The following ADAMTSL2 variants were observed in gnomAD, a reference collection of about 807,000 sequenced individuals.
ADAMTSL2 encodes ADAMTS like 2.
A neutral mutation model predicts 117.0 loss-of-function variants in ADAMTSL2; 55 were observed. The ratio of observed to expected loss-of-function variants is 0.47; its 90% CI spans 0.38 to 0.59. The LOEUF (loss-of-function observed/expected upper bound fraction) is 0.59, where lower values mean the gene tolerates loss of function less well. ADAMTSL2 is among the 20% of genes least tolerant of loss of function. ADAMTSL2 has a pLI of 0.00. For synonymous variants in ADAMTSL2, 572 were observed against 566.4 expected, an observed-to-expected ratio of 1.01 and a Z score of -0.14; for missense variants, 1,182 against 1,354.5, an observed-to-expected ratio of 0.87 and a Z score of 2.00.
chr9:133,544,485 C>T lies in ADAMTSL2; in HGVS notation c.698C>T (p.Thr233Ile). 1 of 1,614,058 alleles carries T rather than the reference C, an allele frequency of 6.2e-7. No individual in the cohort carries two copies. Among genetic ancestry groups the T allele is most frequent in the South Asian group, 1.1e-5 (1 of 91,080 alleles). The change falls in exon 8 of 19, where the codon ACC (threonine) becomes ATC (isoleucine). Residue 233 changes from threonine to isoleucine, a missense_variant. By Grantham distance (89) the Thr-to-Ile change is moderately conservative (BLOSUM62 -1). Coordinates refer to ENST00000651351, the MANE Select transcript of ADAMTSL2 (RefSeq NM_014694.4). The stretch of plus-strand genomic sequence containing the variant: ...TTGCCTCCAGGTTACTCTCTGGTGA[C>T]CCACATCCCGGCTGGTGCCCGAGAC... ...GNAHLGYSLV[T>I]HIPAGARDIQ...
At chr9:133,534,626 AG>A, upstream of ADAMTSL2, 1 of 1,276,144 alleles carries the variant, frequency 7.8e-7, no homozygotes, top group Non-Finnish European at 1.0e-6. Flanking sequence ...CGGGCGGGGG[AG>A]CGGCCTGGTG....
intron 12 of ADAMTSL2, among the ~76,000 whole-genome samples, chr9:133,563,664 G>A (rs1830801822): frequency 6.6e-6 from 1 of 152,074 alleles, no homozygotes; most frequent in Non-Finnish European, 1.5e-5. Context: ...GACTGGGTCT[G>A]TGCAGCGTGG....
intron 16 of ADAMTSL2, 25 bp downstream of exon 16, chr9:133,569,603 G>A (rs1323226802): frequency 2.6e-6 from 4 of 1,552,694 alleles, no homozygotes; most frequent in Non-Finnish European, 2.6e-6. Context: ...GCCCGCGGAA[G>A]GGCCTCCTGG....
At chr9:133,564,645 A>G (rs1588305491) in intron 12 of ADAMTSL2, among the ~76,000 whole-genome samples, 1 of 90,506 alleles carries the variant, frequency 1.1e-5, no homozygotes, top group Non-Finnish European at 2.3e-5. Flanking sequence ...AGAGAGGGAG[A>G]GAGGGAGAGA....
rs62620179 is a variant in ADAMTSL2 at position 133,536,705 on chromosome 9, T to C, written c.-8T>C. ...GGCCTGGTGGTGACAGTGGCCTTGC[T>C]TCCTAGGATGGATGGCAGATGGCAA... On this transcript the variant is annotated 5_prime_UTR_variant, in exon 2 of 19. Transcript: ENST00000651351. 4.1e-4 allele frequency: 668 copies of C among 1,614,170 alleles called. 6 individuals carry two copies. The African/African-American group carries it at 7.7e-3, about 19-fold the overall frequency.
Position 133,557,136 on chromosome 9 carries a change from A to G in ADAMTSL2, c.1649+1206A>G, listed in dbSNP as rs1209742670. On this transcript the variant is annotated intron_variant, in intron 11 of 18. Transcript: ENST00000651351. The surrounding 1 kb of genome is among the most constrained non-coding windows in gnomAD (Gnocchi z 5.2). ...GAATTTGATGGGAGATTCAGGGTTC[A>G]CTCTCGAGGTGATGTGGTTTGGGGC... Among the ~76,000 whole-genome samples the G allele has an allele frequency of 6.6e-6, 1 of 151,726 alleles. No homozygotes were observed. Among genetic ancestry groups the G allele is most frequent in the African/African-American group, 2.4e-5 (1 of 41,264 alleles).
In ADAMTSL2 at chr9:133,568,411, C is replaced by A. The variant is rs1400101960; in HGVS notation, c.2013C>A (p.Ala671=). The A allele has an allele frequency of 1.2e-6, 2 of 1,608,276 alleles. No individual in the cohort carries two copies. Among genetic ancestry groups the A allele is most frequent in the South Asian group, 2.2e-5 (2 of 90,156 alleles). Reference sequence around the variant, plus strand: ...GCGACCTGTGCGAGGCAGCCGAGGCCGTGCGGCCCGAGGAACGCAAGACCT... The same window carrying A: ...GCGACCTGTGCGAGGCAGCCGAGGCAGTGCGGCCCGAGGAACGCAAGACCT... ...VYSDLCEAAE[A]VRPEERKTCR... is the part of the protein sequence containing the mutation. Residue 671 remains alanine, a synonymous_variant, in exon 14 of 19, where the codon GCC becomes GCA. Transcript: ENST00000651351.
At position 133,568,585 on chromosome 9, in the gene ADAMTSL2, CT is replaced by C. The variant is rs2131180821; in HGVS notation, c.2089-17del. The C allele has an allele frequency of 6.4e-7, 1 of 1,565,922 alleles. No homozygotes were observed. The highest frequency in any genetic ancestry group is 1.2e-5 in the South Asian group (1 of 85,624). ...ACCTGTGTCACACCCCCCCTGCCCC[CT>C]CCCCCTGCCGCCCCAGTGCACTGCC... On this transcript the variant is annotated splice_polypyrimidine_tract_variant and intron_variant, in intron 14 of 18. Transcript: ENST00000651351.
chr9:133,558,133 A>G lies in ADAMTSL2; in HGVS notation c.1649+2203A>G, dbSNP rs1399089483. ...AGCCCCCCGCCCCAGGATATATTGAATTTCCAGGGCCTGTCAGGGGCCTCA... is the reference window on the plus strand; with the variant it reads ...AGCCCCCCGCCCCAGGATATATTGAGTTTCCAGGGCCTGTCAGGGGCCTCA... On this transcript the variant is annotated intron_variant, in intron 11 of 18. Coordinates refer to ENST00000651351, the MANE Select transcript of ADAMTSL2 (RefSeq NM_014694.4). This position sits in a 1 kb window ranked among gnomAD's most constrained non-coding sequence, Gnocchi z 4.3. Among the ~76,000 whole-genome samples the G allele has an allele frequency of 6.6e-6, 1 of 152,078 alleles. No individual in the cohort carries two copies. Among genetic ancestry groups the G allele is most frequent in the Non-Finnish European group, 1.5e-5 (1 of 68,010 alleles).
chr9:133,558,607 G>T lies in ADAMTSL2; in HGVS notation c.1650-2591G>T, dbSNP rs1830660242. 1.3e-5 allele frequency among the ~76,000 whole-genome samples: 2 copies of T among 152,306 alleles called. No homozygotes were observed. The highest frequency in any genetic ancestry group is 2.4e-5 in the African/African-American group (1 of 41,574). The stretch of plus-strand genomic sequence containing the variant: ...GGTGGCTTCAGAGCTTCTCCTGCCT[G>T]GGGAGCCCGTGAGCCTGTGTCTGGC... On this transcript the variant is annotated intron_variant, in intron 11 of 18. Transcript: ENST00000651351. This position sits in a 1 kb window ranked among gnomAD's most constrained non-coding sequence, Gnocchi z 4.3.
At chr9:133,562,992 C>T (rs1419574361) in intron 12 of ADAMTSL2, among the ~76,000 whole-genome samples, 2 of 151,304 alleles carry the variant, frequency 1.3e-5, no homozygotes, top group Non-Finnish European at 3.0e-5. Flanking sequence ...GCCAGGCTCG[C>T]ACCGCTGTGG....
intron 4 of ADAMTSL2, 38 bp downstream of exon 4, chr9:133,538,462 C>T (rs1017584765): frequency 6.2e-7 from 1 of 1,609,302 alleles, no homozygotes; most frequent in Non-Finnish European, 8.5e-7. Context: ...ATGGCCTGCT[C>T]TCCCTGTCAT....
intron 17 of ADAMTSL2, among the ~76,000 whole-genome samples, chr9:133,572,271 C>A (rs1216951255): frequency 1.3e-5 from 2 of 150,390 alleles, no homozygotes; most frequent in Admixed American, 1.3e-4. Context: ...TTCCCTGTTG[C>A]CCACCAAAGG....
Position 133,554,415 on chromosome 9 carries a change from C to G in ADAMTSL2, c.998C>G (p.Pro333Arg), listed in dbSNP as rs1407750012. Residue 333 changes from proline to arginine, a missense_variant, in exon 10 of 19, where the codon CCG becomes CGG. Physicochemically the swap from Pro to Arg is moderately radical, Grantham distance 103. Transcript: ENST00000651351. This position sits in a 1 kb window ranked among gnomAD's most constrained non-coding sequence, Gnocchi z 5.2. ...SITFEYTLLQ[P>R]PHESRPQPIY... The stretch of plus-strand genomic sequence containing the variant: ...ACCTTCGAGTACACGCTGCTGCAGC[C>G]GCCACACGAGAGCCGCCCCCAGCCC... 4 of 1,565,844 alleles carry G rather than the reference C, an allele frequency of 2.6e-6. No homozygotes were observed. In the African/African-American group the frequency reaches 5.4e-5, roughly 21 times the overall value.
chr9:133,545,763 G>A (rs1830333183), intron 8 of ADAMTSL2, among the ~76,000 whole-genome samples: 1 of 152,202 alleles, frequency 6.6e-6, no homozygotes, highest in Non-Finnish European at 1.5e-5. Flanking sequence ...GAAAGCCGCA[G>A]GAAGGAAGGT....
At chr9:133,534,472 C>T (rs1371727866), upstream of ADAMTSL2, 1 of 371,476 alleles carries the variant, frequency 2.7e-6, no homozygotes, top group Non-Finnish European at 4.7e-6. Context: ...ACATGTGGCC[C>T]CCAGTTCTGG....
At chr9:133,536,539 CGGG>C in intron 1 of ADAMTSL2, 21 bp from the exon 2 acceptor site, 4 of 1,538,272 alleles carry the variant, frequency 2.6e-6, no homozygotes, top group Non-Finnish European at 3.5e-6. Flanking sequence ...TAGACTGAGG[CGGG>C]GGGTTCATCC....
rs905712846 is a variant in ADAMTSL2, at chr9:133,534,718, C to G, written c.-350C>G. Reference sequence around the variant, plus strand: ...GCAGAGCCGCCACTGGGCTGCGCCCCTCCCGGGAACCCCCTCTCTTGGATG... The same window carrying G: ...GCAGAGCCGCCACTGGGCTGCGCCCGTCCCGGGAACCCCCTCTCTTGGATG... On this transcript the variant is annotated 5_prime_UTR_variant, in exon 1 of 19. Coordinates refer to ENST00000651351, the MANE Select transcript of ADAMTSL2 (RefSeq NM_014694.4). The G allele has an allele frequency of 1.5e-5, 21 of 1,378,184 alleles. No homozygotes were observed. The highest frequency in any genetic ancestry group is 1.9e-5 in the Non-Finnish European group (20 of 1,059,626). 85.4% of individuals were successfully genotyped at this position (1,378,184 alleles called of 1,614,324 possible). A position where few individuals can be genotyped will look rare whatever the true frequency, so the allele number is the denominator to read the frequency against.
At chr9:133,538,551 C>T (rs1279214682) in intron 4 of ADAMTSL2, 127 bp downstream of exon 4, 5 of 1,122,386 alleles carry the variant, frequency 4.5e-6, no homozygotes, top group Non-Finnish European at 6.5e-6. Context: ...TCAAGGAGAG[C>T]CCAGGAGCAG....
Sources: gnomAD v4.1 joint callset for allele counts (sites outside exome capture counted in the v4.1 genomes callset) on GRCh38, gnomAD v4.1.1 for gene constraint, Gnocchi (gnomAD v3.1) non-coding constraint, MANE v1.5 for transcripts, NCBI Gene and HGNC (gene_info 2026-07-23, HGNC 2026-07-21) for gene names.